TJP2: variants seen among roughly 807,000 people sequenced by gnomAD.
TJP2 encodes tight junction protein 2.
TJP2 carries 91 observed loss-of-function variants against 133.1 expected under a neutral mutation model. The ratio of observed to expected loss-of-function variants is 0.68; its 90% confidence interval spans 0.58 to 0.81. The LOEUF is 0.81. Ranked by LOEUF, TJP2 falls within the 40% of genes least tolerant of loss-of-function variation. The probability of loss-of-function intolerance (pLI) is 0.00; values close to 1 mark genes in which losing one functional copy is unlikely to be tolerated. For missense variants in TJP2, 1,541 were observed against 1,565.6 expected (o/e 0.98, Z 0.26); for synonymous variants, 592 against 583.4 (o/e 1.01, Z -0.21).
upstream of TJP2, among the ~76,000 whole-genome samples, chr9:69,171,941 G>A (rs554221909): frequency 2.6e-5 from 4 of 152,052 alleles, no homozygotes; most frequent in South Asian, 2.1e-4. Flanking sequence ...GACTACAGGC[G>A]TGCGCCACCA....
chr9:69,172,381 A>G (rs1391983808), upstream of TJP2, among the ~76,000 whole-genome samples: 1 of 152,240 alleles, frequency 6.6e-6, no homozygotes, highest in Non-Finnish European at 1.5e-5. Context: ...GAAATATTCT[A>G]TATTTGCACT....
chr9:69,211,569 G>A (rs939727771), intron 1 of TJP2, among the ~76,000 whole-genome samples: 1 of 152,154 alleles, frequency 6.6e-6, no homozygotes, highest in Non-Finnish European at 1.5e-5. Flanking sequence ...GAGAGGATTC[G>A]CATCTGCCTC....
At chr9:69,250,052 A>G (rs1831216876) in intron 20 of TJP2, among the ~76,000 whole-genome samples, 1 of 152,248 alleles carries the variant, frequency 6.6e-6, no homozygotes, top group African/African-American at 2.4e-5. Context: ...CTGTGACTCT[A>G]TGTTTTTCCT....
chr9:69,185,313 T>C (rs1825786985), intron 1 of TJP2, among the ~76,000 whole-genome samples: 1 of 152,044 alleles, frequency 6.6e-6, no homozygotes, highest in African/African-American at 2.4e-5. Context: ...CTGCCTGCCT[T>C]GGCCTCCCAA....
chr9:69,231,459 G>GT (rs60053979), intron 11 of TJP2, among the ~76,000 whole-genome samples: 43,320 of 150,400 alleles, frequency 0.29, 6,498 homozygotes, highest in East Asian at 0.46. Context: ...TATATATGAG[G>GT]TTTTTTTTTT....
intron 1 of TJP2, among the ~76,000 whole-genome samples, chr9:69,185,881 C>CTTTT (rs34030534): frequency 7.4e-5 from 10 of 135,432 alleles, no homozygotes; most frequent in African/African-American, 8.2e-5. Flanking sequence ...TAATGTAGTC[C>CTTTT]TTTTTTTTTT....
At chr9:69,194,234 A>T (rs1564422872) in intron 1 of TJP2, among the ~76,000 whole-genome samples, 2 of 152,200 alleles carry the variant, frequency 1.3e-5, no homozygotes, top group Non-Finnish European at 2.9e-5. Flanking sequence ...TTAAAGTATA[A>T]AAATGAATTT....
At chr9:69,196,240 A>G (rs1261608534) in intron 1 of TJP2, among the ~76,000 whole-genome samples, 1 of 152,206 alleles carries the variant, frequency 6.6e-6, no homozygotes, top group Non-Finnish European at 1.5e-5. Context: ...TAAGCTTTCT[A>G]GTCACACCAG....
intron 1 of TJP2, among the ~76,000 whole-genome samples, chr9:69,149,509 A>G (rs904638202): frequency 5.3e-5 from 8 of 152,206 alleles, no homozygotes; most frequent in Non-Finnish European, 1.2e-4. Context: ...TCCCGCCTGT[A>G]CAAATAAAAC....
intron 9 of TJP2, among the ~76,000 whole-genome samples, chr9:69,228,370 A>G (rs1829507234): frequency 6.6e-6 from 1 of 152,172 alleles, no homozygotes; most frequent in Admixed American, 6.5e-5. Context: ...GGAAACTACT[A>G]AAGGAGGAGA....
intron 11 of TJP2, among the ~76,000 whole-genome samples, chr9:69,233,699 C>T (rs1299855496): frequency 2.0e-5 from 3 of 152,136 alleles, no homozygotes; most frequent in Middle Eastern, 3.2e-3. Context: ...ATTGCTTGAA[C>T]CCAGGAGGCG....
chr9:69,240,275 T>A, intron 17 of TJP2, 128 bp downstream of exon 17: 1 of 976,816 alleles, frequency 1.0e-6, no homozygotes, highest in Middle Eastern at 3.1e-4. Context: ...GAAAAATAGT[T>A]AATCCTATAA....
At chr9:69,189,534 C>T (rs889333800) in intron 1 of TJP2, among the ~76,000 whole-genome samples, 44 of 152,074 alleles carry the variant, frequency 2.9e-4, no homozygotes, top group African/African-American at 1.0e-3. Context: ...GCAGGAGGAT[C>T]GCTTGAGCCC....
chr9:69,194,140 A>G (rs1826390434), intron 1 of TJP2, among the ~76,000 whole-genome samples: 1 of 152,200 alleles, frequency 6.6e-6, no homozygotes, highest in Admixed American at 6.5e-5. Context: ...TGCCTCTATA[A>G]GGAATTCACA....
At chr9:69,224,160 C>T (rs1339437370) in intron 5 of TJP2, among the ~76,000 whole-genome samples, 1 of 152,190 alleles carries the variant, frequency 6.6e-6, no homozygotes, top group African/African-American at 2.4e-5. Context: ...AGTCCATAAA[C>T]TCCCAAAGCT....
At chr9:69,174,976 G>C (rs1824971114) in intron 1 of TJP2, among the ~76,000 whole-genome samples, 1 of 151,406 alleles carries the variant, frequency 6.6e-6, no homozygotes, top group African/African-American at 2.4e-5. Context: ...CAAAAGAGGA[G>C]TGTGATGAAT....
At chr9:69,228,405 G>T (rs1237644703) in intron 9 of TJP2, among the ~76,000 whole-genome samples, 1 of 152,148 alleles carries the variant, frequency 6.6e-6, no homozygotes, top group African/African-American at 2.4e-5. Context: ...AAACTATTAG[G>T]TATCATGCTC....
intron 1 of TJP2, among the ~76,000 whole-genome samples, chr9:69,147,835 A>G (rs1823280440): frequency 2.0e-5 from 3 of 152,236 alleles, no homozygotes; most frequent in African/African-American, 4.8e-5. Flanking sequence ...ATGAAATAGC[A>G]TTGGATCAGA....
rs1831605562 is a variant in TJP2, at chr9:69,255,147, C to T, written c.*773C>T. 1 of 152,400 alleles carries T rather than the reference C, an allele frequency of 6.6e-6. No individual in the cohort carries two copies. The highest frequency in any genetic ancestry group is 2.1e-4 in the South Asian group (1 of 4,834). The allele number at this position is 152,400 out of a possible 1,614,324, so 9.4% of individuals were successfully genotyped here. A position where few individuals can be genotyped will look rare whatever the true frequency, so the allele number is the denominator to read the frequency against. ...TTGAGGAAAACACTATTTCCAAAAG[C>T]ACATGTATTGACAACAGTTTTATAA... is the stretch of plus-strand genomic sequence containing the variant. On this transcript the variant is annotated 3_prime_UTR_variant, in exon 23 of 23. Coordinates refer to ENST00000377245, the MANE Select transcript of TJP2 (RefSeq NM_004817.4).
Sources: gnomAD v4.1 joint callset for allele counts (sites outside exome capture counted in the v4.1 genomes callset) on GRCh38, gnomAD v4.1.1 for gene constraint, MANE v1.5 for transcripts, NCBI Gene and HGNC (gene_info 2026-07-23, HGNC 2026-07-21) for gene names.